The following BRSK1 variants were observed in gnomAD, a reference collection of about 807,000 sequenced individuals.
BRSK1 encodes the protein serine/threonine-protein kinase BRSK1.
A neutral mutation model predicts 86.2 loss-of-function variants in BRSK1; 17 were observed. The observed-to-expected ratio is 0.20, with a 90% confidence interval of 0.14 to 0.30. The LOEUF is 0.30. Ranked by LOEUF, BRSK1 falls within the 10% of genes least tolerant of loss-of-function variation. The probability of loss-of-function intolerance (pLI) is 1.00; values close to 1 mark genes in which losing one functional copy is unlikely to be tolerated. For missense variants in BRSK1, 719 were observed against 1,071.9 expected (o/e 0.67, Z 4.60); for synonymous variants, 464 against 440.1 (o/e 1.05, Z -0.68).
At position 55,303,179 on chromosome 19, in the gene BRSK1, G is replaced by T; in HGVS notation, c.1029-132G>T. ...AGATGTACCCTAAACCAGAGAAACT[G>T]ACCATACTGATACCTAGAAAAAATG... On this transcript the variant is annotated intron_variant, in intron 10 of 18. Transcript: ENST00000309383. The surrounding 1 kb of genome is among the most constrained non-coding windows in gnomAD (Gnocchi z 5.1). 1 of 725,748 alleles carries T rather than the reference G, an allele frequency of 1.4e-6. No individual in the cohort carries two copies. 45.0% of individuals were successfully genotyped at this position (725,748 alleles called of 1,614,324 possible). A position where few individuals can be genotyped will look rare whatever the true frequency, so the allele number is the denominator to read the frequency against.
At chr19:55,301,268 G>A (rs962773214) in intron 7 of BRSK1, among the ~76,000 whole-genome samples, 2 of 152,218 alleles carry the variant, frequency 1.3e-5, no homozygotes, top group Non-Finnish European at 2.9e-5. Context: ...GCTGTGGGGG[G>A]AAAGCTGTCT....
chr19:55,312,142 A>C lies in BRSK1; in HGVS notation c.*74A>C. Reference sequence around the variant, plus strand: ...GCCCCCCAACTGTGAATCTGTAAATAAGGCCCAAGGAACATGTCGGGAGGG... The same window carrying C: ...GCCCCCCAACTGTGAATCTGTAAATCAGGCCCAAGGAACATGTCGGGAGGG... On this transcript the variant is annotated 3_prime_UTR_variant, in exon 19 of 19. Coordinates refer to ENST00000309383, the MANE Select transcript of BRSK1 (RefSeq NM_032430.2). 1.5e-6 allele frequency: 1 copy of C among 658,160 alleles called. No individual in the cohort carries two copies. The highest frequency in any genetic ancestry group is 2.5e-6 in the Non-Finnish European group (1 of 399,484). The allele number at this position is 658,160 out of a possible 1,614,324, so 40.8% of individuals were successfully genotyped here.
chr19:55,288,497 AAAC>A (rs371771156), intron 3 of BRSK1, among the ~76,000 whole-genome samples: 1,685 of 149,562 alleles, frequency 0.011, 27 homozygotes, highest in African/African-American at 0.04. Context: ...AAAAAACTCC[AAAC>A]AACAACAACA....
intron 7 of BRSK1, among the ~76,000 whole-genome samples, chr19:55,297,296 C>T (rs530278643): frequency 6.6e-6 from 1 of 152,044 alleles, no homozygotes; most frequent in South Asian, 2.1e-4. Flanking sequence ...AGGCTGGTCT[C>T]GAACTTGACC....
chr19:55,289,666 C>T, intron 4 of BRSK1, 46 bp downstream of exon 4: 1 of 1,601,770 alleles, frequency 6.2e-7, no homozygotes, highest in Non-Finnish European at 8.5e-7. Context: ...GGCTGCCCAG[C>T]AGACAGGCCC....
chr19:55,307,298 G>A (rs983277954), intron 17 of BRSK1, among the ~76,000 whole-genome samples: 39 of 152,210 alleles, frequency 2.6e-4, no homozygotes, highest in African/African-American at 9.4e-4. Flanking sequence ...GGTGGCTCAC[G>A]CCTGTAATCC....
rs755357977 is a variant in BRSK1, at chr19:55,304,872, C to T, written c.1669C>T (p.Arg557Cys). 6 of 1,609,828 alleles carry T rather than the reference C, an allele frequency of 3.7e-6. No individual in the cohort carries two copies. The highest frequency in any genetic ancestry group is 5.1e-6 in the Non-Finnish European group (6 of 1,179,770). ...CTGGAGGAGTCGTCTCAACTCCATC[C>T]GCAACAGCTTCCTGGGCTCCCCTCG... ...AAWRSRLNSI[R>C]NSFLGSPRFH... The change falls in exon 14 of 19, where the codon CGC (arginine) becomes TGC (cysteine). Residue 557 changes from arginine (R) to cysteine (C), a missense_variant. Coordinates refer to ENST00000309383, the MANE Select transcript of BRSK1 (RefSeq NM_032430.2). The surrounding 1 kb of genome is among the most constrained non-coding windows in gnomAD (Gnocchi z 5.2).
At position 55,312,002 on chromosome 19, in the gene BRSK1, C is replaced by T. The variant is rs2088810286; in HGVS notation, c.2271C>T (p.Ser757=). ...GCCGCCCAGACCCAGAGCTGAGCAGCTCTCCCCGCCGAGGCCCCCCCAAGG... is the reference window on the plus strand; with the variant it reads ...GCCGCCCAGACCCAGAGCTGAGCAGTTCTCCCCGCCGAGGCCCCCCCAAGG... ...PPGRPDPELS[S]SPRRGPPKDK... Residue 757 remains serine (S), a synonymous_variant, in exon 19 of 19, where the codon AGC becomes AGT. Coordinates refer to ENST00000309383, the MANE Select transcript of BRSK1 (RefSeq NM_032430.2). 1 of 1,530,092 alleles carries T rather than the reference C, an allele frequency of 6.5e-7. No homozygotes were observed. The highest frequency in any genetic ancestry group is 1.4e-5 in the African/African-American group (1 of 72,156). 94.8% of individuals were successfully genotyped at this position (1,530,092 alleles called of 1,614,324 possible).
chr19:55,311,932 C>A lies in BRSK1; in HGVS notation c.2201C>A (p.Thr734Asn), dbSNP rs749533915. The A allele has an allele frequency of 6.2e-7, 1 of 1,611,686 alleles. No individual in the cohort carries two copies. The highest frequency in any genetic ancestry group is 2.2e-5 in the East Asian group (1 of 44,762). ...ALADEKNGAQTRPAGAPPRSL... is the reference protein window; with the variant it reads ...ALADEKNGAQNRPAGAPPRSL... ...GCAGACGAGAAGAACGGGGCCCAGA[C>A]CCGGCCTGCTGGTGCCCCACCCCGA... Residue 734 changes from threonine (T) to asparagine (N), a missense_variant, in exon 19 of 19, where the codon ACC becomes AAC. Thr to Asn is a moderately conservative substitution (Grantham distance 65). Coordinates refer to ENST00000309383, the MANE Select transcript of BRSK1 (RefSeq NM_032430.2).
At position 55,284,210 on chromosome 19, in the gene BRSK1, C is replaced by T. The variant is rs879680738; in HGVS notation, c.-233C>T. 2 of 723,170 alleles carry T rather than the reference C, an allele frequency of 2.8e-6. No homozygotes were observed. The highest frequency in any genetic ancestry group is 3.8e-6 in the Non-Finnish European group (2 of 525,916). 44.8% of individuals were successfully genotyped at this position (723,170 alleles called of 1,614,324 possible). On this transcript the variant is annotated 5_prime_UTR_variant, in exon 1 of 19. Transcript: ENST00000309383. Reference sequence around the variant, plus strand: ...GCTGGGGAGGGGGGGCCCCGCAGCCCCCCTGGGCCATGCTGACTCCCGGGG... The same window carrying T: ...GCTGGGGAGGGGGGGCCCCGCAGCCTCCCTGGGCCATGCTGACTCCCGGGG...
chr19:55,312,104 A>G lies in BRSK1; in HGVS notation c.*36A>G. Reference sequence around the variant, plus strand: ...CCGGGGAGGGAGGGGACCCCCCTCCACCCCCCTTCCGTGCCCCCCAACTGT... The same window carrying G: ...CCGGGGAGGGAGGGGACCCCCCTCCGCCCCCCTTCCGTGCCCCCCAACTGT... On this transcript the variant is annotated 3_prime_UTR_variant, in exon 19 of 19. Coordinates refer to ENST00000309383, the MANE Select transcript of BRSK1 (RefSeq NM_032430.2). 2 of 944,004 alleles carry G rather than the reference A, an allele frequency of 2.1e-6. No individual in the cohort carries two copies. The highest frequency in any genetic ancestry group is 3.0e-6 in the Non-Finnish European group (2 of 668,050). 58.5% of individuals were successfully genotyped at this position (944,004 alleles called of 1,614,324 possible).
At position 55,306,577 on chromosome 19, in the gene BRSK1, GT is replaced by G. The variant is rs2088654218; in HGVS notation, c.2089+128del. The G allele has an allele frequency of 2.7e-6, 3 of 1,095,412 alleles. No homozygotes were observed. Among genetic ancestry groups the G allele is most frequent in the Admixed American group, 2.1e-5 (1 of 48,328 alleles). 67.9% of individuals were successfully genotyped at this position (1,095,412 alleles called of 1,614,324 possible). ...GGTGTTCAGCTGGTGCCGACTCTCTGTGCTCCTCCTGCCCACACAGACCGCC... is the reference window on the plus strand; with the variant it reads ...GGTGTTCAGCTGGTGCCGACTCTCTGGCTCCTCCTGCCCACACAGACCGCC... On this transcript the variant is annotated intron_variant, in intron 17 of 18. Coordinates refer to ENST00000309383, the MANE Select transcript of BRSK1 (RefSeq NM_032430.2). The surrounding 1 kb of genome is among the most constrained non-coding windows in gnomAD (Gnocchi z 4.7).
Position 55,284,495 on chromosome 19 carries a change from CCCACCCCCACCCCCA to C in BRSK1, c.56_70del (p.His19_His23del). The C allele has an allele frequency of 1.0e-6, 1 of 978,128 alleles. No homozygotes were observed. The highest frequency in any genetic ancestry group is 1.4e-6 in the Non-Finnish European group (1 of 705,544). 60.6% of individuals were successfully genotyped at this position (978,128 alleles called of 1,614,324 possible). On this transcript the variant is annotated inframe_deletion, in exon 1 of 19. Coordinates refer to ENST00000309383, the MANE Select transcript of BRSK1 (RefSeq NM_032430.2). ...GGGGGCTCTCCCGCCTACCACCTCC[CCCACCCCCACCCCCA>C]CCCACCCCAGCACGCCCAATATGTG...
At chr19:55,299,378 T>G (rs553355225) in intron 7 of BRSK1, among the ~76,000 whole-genome samples, 2,131 of 151,362 alleles carry the variant, frequency 0.014, 48 homozygotes, top group African/African-American at 0.044. Context: ...TTGGTTTTTT[T>G]TTTTGTTTTG....
chr19:55,308,752 TGGGGGGCGTGGGTGGCG>T (rs1568990270), intron 18 of BRSK1, 24 bp downstream of exon 18: 3 of 320,274 alleles, frequency 9.4e-6, no homozygotes, highest in South Asian at 2.7e-5. Flanking sequence ...CCGTGGGTGG[TGGGGGGCGTGGGTGGCG>T]GGGGCCGTGG....
In BRSK1 at chr19:55,301,599, CCA is replaced by C. The variant is rs774145008; in HGVS notation, c.767_768del (p.Pro256ArgfsTer86). On this transcript the variant is annotated frameshift_variant, in exon 8 of 19. Coordinates refer to ENST00000309383, the MANE Select transcript of BRSK1 (RefSeq NM_032430.2). LOFTEE classifies it high-confidence loss of function. ...CTTCCACATGCCCCACTTCATTCCT[CCA>C]GATTGCCAGAGCCTCCTGAGGGGAA... ...GVFHMPHFIP[P>X]DCQSLLRGMI... 6.2e-7 allele frequency: 1 copy of C among 1,613,314 alleles called. No homozygotes were observed. Among genetic ancestry groups the C allele is most frequent in the East Asian group, 2.2e-5 (1 of 44,862 alleles).
Position 55,312,054 on chromosome 19 carries a change from A to T in BRSK1, c.2323A>T (p.Thr775Ser). Residue 775 changes from threonine (T) to serine (S), a missense_variant, in exon 19 of 19, where the codon ACC becomes TCC. Physicochemically the swap from Thr to Ser is moderately conservative, Grantham distance 58 (BLOSUM62 1). This residue lies in a region of BRSK1 where 82 missense variants were observed against 72.6 expected (regional missense o/e 1.13). Coordinates refer to ENST00000309383, the MANE Select transcript of BRSK1 (RefSeq NM_032430.2). ...CAAGAAGCTCCTGGCCACCAACGGG[A>T]CCCCTCTGCCCTGACCCCACGGGGC... is the stretch of plus-strand genomic sequence containing the variant. ...KDKKLLATNG[T>S]PLP The T allele has an allele frequency of 1.4e-6, 2 of 1,463,582 alleles. No individual in the cohort carries two copies. The highest frequency in any genetic ancestry group is 2.9e-5 in the African/African-American group (2 of 68,874). The allele number at this position is 1,463,582 out of a possible 1,614,324, so 90.7% of individuals were successfully genotyped here. A position where few individuals can be genotyped will look rare whatever the true frequency, so the allele number is the denominator to read the frequency against.
chr19:55,307,747 TACACACACACACACAC>T (rs68176323), intron 17 of BRSK1, among the ~76,000 whole-genome samples: 72 of 88,126 alleles, frequency 8.2e-4, no homozygotes, highest in South Asian at 5.0e-3. Context: ...AAAAAATTTA[TACACACACACACACAC>T]ACACACACAC....
rs538897183 is a variant in BRSK1 at position 55,304,574 on chromosome 19, G to A, written c.1371G>A (p.Pro457=). The A allele has an allele frequency of 2.9e-5, 46 of 1,584,758 alleles. 2 individuals are homozygous for A. The Admixed American group carries it at 5.8e-4, about 20-fold the overall frequency. Residue 457 remains proline, a synonymous_variant, in exon 14 of 19, where the codon CCG becomes CCA. Transcript: ENST00000309383. This position sits in a 1 kb window ranked among gnomAD's most constrained non-coding sequence, Gnocchi z 5.2. The part of the protein sequence containing the change: ...SPRSPVFSFS[P]EPGAGDEARG... Reference sequence around the variant, plus strand: ...AGAGTCCGGTCTTTTCCTTTTCACCGGAGCCGGGGGCTGGAGATGAGGCTC... The same window carrying A: ...AGAGTCCGGTCTTTTCCTTTTCACCAGAGCCGGGGGCTGGAGATGAGGCTC...
Sources: gnomAD v4.1 joint callset for allele counts (sites outside exome capture counted in the v4.1 genomes callset) on GRCh38, gnomAD v4.1.1 for gene constraint, gnomAD v4.1.1 regional missense constraint, Gnocchi (gnomAD v3.1) non-coding constraint, MANE v1.5 for transcripts, NCBI Gene and HGNC (gene_info 2026-07-23, HGNC 2026-07-21) for gene names.